CRACR2A: variants seen among roughly 807,000 people sequenced by gnomAD.
CRACR2A encodes the protein EF-hand calcium-binding domain-containing protein 4B.
CRACR2A carries 79 observed loss-of-function variants against 90.5 expected under a neutral mutation model. The ratio of observed to expected loss-of-function variants is 0.87; its 90% confidence interval spans 0.73 to 1.05. CRACR2A has a LOEUF of 1.05. Among genes scored for constraint, CRACR2A ranks in the 50% least tolerant of loss-of-function variants. CRACR2A has a pLI of 0.00. For missense variants in CRACR2A, 823 were observed against 897.2 expected, an observed-to-expected ratio of 0.92 and a Z score of 1.06; for synonymous variants, 338 against 356.7, an observed-to-expected ratio of 0.95 and a Z score of 0.59.
chr12:3,715,884 C>T (rs1002532482), intron 2 of CRACR2A, among the ~76,000 whole-genome samples: 1 of 152,020 alleles, frequency 6.6e-6, no homozygotes, highest in African/African-American at 2.4e-5. Flanking sequence ...AATGAGTGCC[C>T]TTTAAAGATT....
rs767477476 is a variant in CRACR2A at position 3,627,491 on chromosome 12, T to C, written c.1877A>G (p.Asp626Gly). 19 of 1,551,930 alleles carry C rather than the reference T, an allele frequency of 1.2e-5. No homozygotes were observed. The South Asian group carries it at 2.3e-4, about 18-fold the overall frequency. ...RKADGVIVMYDLTDKQSFLSV... is the reference protein window; with the variant it reads ...RKADGVIVMYGLTDKQSFLSV... ...CAGGAACGACTGCTTGTCTGTGAGA[T>C]CGTACATGACGATGACACCATCTGC... Residue 626 changes from aspartate to glycine, a missense_variant, in exon 17 of 20, where the codon GAT (aspartate) becomes GGT (glycine). Transcript: ENST00000440314.
chr12:3,720,570 T>C lies in CRACR2A; in HGVS notation c.-117-7253A>G, dbSNP rs537112222. On this transcript the variant is annotated intron_variant, in intron 2 of 19. Transcript: ENST00000440314. ...ACGGGATCCTGATGCTCTAACGTTT[T>C]CTACTGTGTTAATCCCTCACAACAT... Among the ~76,000 whole-genome samples, 10 of 152,338 alleles carry C rather than the reference T, an allele frequency of 6.6e-5. No individual in the cohort carries two copies. The East Asian group carries it at 1.7e-3, about 26-fold the overall frequency.
At position 3,735,359 on chromosome 12, in the gene CRACR2A, G is replaced by A. The variant is rs147664919; in HGVS notation, c.-386-2149C>T. ...AAGGGTGCGGGGAGACCTGGCGCTGGGAGAGTGTTAGCAAAATGCTCCTCA... is the reference window on the plus strand; with the variant it reads ...AAGGGTGCGGGGAGACCTGGCGCTGAGAGAGTGTTAGCAAAATGCTCCTCA... On this transcript the variant is annotated intron_variant, in intron 1 of 19. Coordinates refer to ENST00000440314, the MANE Select transcript of CRACR2A (RefSeq NM_001144958.2). Among the ~76,000 whole-genome samples, 204 of 152,268 alleles carry A rather than the reference G, an allele frequency of 1.3e-3. 2 individuals carry two copies. Among genetic ancestry groups the A allele is most frequent in the African/African-American group, 4.8e-3 (198 of 41,554 alleles).
chr12:3,622,230 G>A (rs1442400086), intron 17 of CRACR2A, among the ~76,000 whole-genome samples: 1 of 152,244 alleles, frequency 6.6e-6, no homozygotes, highest in Non-Finnish European at 1.5e-5. Context: ...TTGAGACTGT[G>A]AGAGATGTTG....
chr12:3,624,960 A>G (rs1261067459), intron 17 of CRACR2A, among the ~76,000 whole-genome samples: 1 of 151,890 alleles, frequency 6.6e-6, no homozygotes, highest in Non-Finnish European at 1.5e-5. Context: ...GCAGGCTCTG[A>G]ACCACTCTGG....
intron 7 of CRACR2A, among the ~76,000 whole-genome samples, chr12:3,665,570 A>G (rs1174661359): frequency 2.0e-5 from 3 of 152,212 alleles, no homozygotes; most frequent in African/African-American, 7.2e-5. Flanking sequence ...TTCTAATTAA[A>G]TAAGTTTTCT....
At chr12:3,680,549 C>CATGTTAGCACAA (rs1945429087) in intron 4 of CRACR2A, among the ~76,000 whole-genome samples, 200 bp from the exon 5 acceptor site, 2 of 152,192 alleles carry the variant, frequency 1.3e-5, no homozygotes, top group Admixed American at 6.5e-5. Context: ...TGATTGGGTG[C>CATGTTAGCACAA]CTACGAATGT....
At chr12:3,728,789 A>G (rs1591716442) in intron 2 of CRACR2A, 1 of 152,104 alleles carries the variant, frequency 6.6e-6, no homozygotes, top group Non-Finnish European at 1.5e-5. Context: ...CCACCTTTCA[A>G]CCCCGAGTGG....
rs138651760 is a variant in CRACR2A at position 3,656,202 on chromosome 12, G to A, written c.858+109C>T. The A allele has an allele frequency of 5.5e-5, 56 of 1,021,504 alleles. No homozygotes were observed. In the African/African-American group the frequency reaches 8.4e-4, roughly 15 times the overall value. 63.3% of individuals were successfully genotyped at this position (1,021,504 alleles called of 1,614,324 possible). On this transcript the variant is annotated intron_variant, in intron 9 of 19. Coordinates refer to ENST00000440314, the MANE Select transcript of CRACR2A (RefSeq NM_001144958.2). ...TTGCGCGACTAAATAGTTCTTCTCA[G>A]GTTAAAAACTCAAAAGTCCTTAAGT...
chr12:3,688,845 T>C (rs1945608058), intron 4 of CRACR2A, among the ~76,000 whole-genome samples: 1 of 152,240 alleles, frequency 6.6e-6, no homozygotes, highest in Non-Finnish European at 1.5e-5. Flanking sequence ...CCTTTGTTTG[T>C]GTCATCTCTG....
intron 3 of CRACR2A, among the ~76,000 whole-genome samples, chr12:3,710,390 G>A (rs1945990492): frequency 6.6e-6 from 1 of 152,120 alleles, no homozygotes; most frequent in Non-Finnish European, 1.5e-5. Context: ...ATTTCTCCCA[G>A]TTCTGGAGGC....
intron 13 of CRACR2A, chr12:3,640,659 G>A: frequency 7.7e-7 from 1 of 1,305,428 alleles, no homozygotes. Flanking sequence ...CTGATGAGCT[G>A]ATTTACATCT....
chr12:3,665,582 A>G (rs749816686), intron 7 of CRACR2A, among the ~76,000 whole-genome samples: 2 of 152,204 alleles, frequency 1.3e-5, no homozygotes, highest in African/African-American at 4.8e-5. Context: ...AAGTTTTCTG[A>G]TTCTCCAGAG....
In CRACR2A at chr12:3,662,035, G is replaced by A. The variant is rs1945048306; in HGVS notation, c.672-2381C>T. Among the ~76,000 whole-genome samples the A allele has an allele frequency of 3.3e-5, 5 of 152,132 alleles. 1 individual carries two copies. The South Asian group carries it at 1.0e-3, about 32-fold the overall frequency. On this transcript the variant is annotated intron_variant, in intron 7 of 19. Coordinates refer to ENST00000440314, the MANE Select transcript of CRACR2A (RefSeq NM_001144958.2). ...ACCAGCTTGCTGGTATGTGAATTAA[G>A]TTATTTTACAAACCACTAAAAAATA...
intron 4 of CRACR2A, among the ~76,000 whole-genome samples, chr12:3,692,679 T>C (rs1945669971): frequency 1.3e-5 from 2 of 152,124 alleles, no homozygotes; most frequent in African/African-American, 4.8e-5. Flanking sequence ...TGCACACTTA[T>C]TGGCTGCAGC....
chr12:3,701,332 G>A lies in CRACR2A; in HGVS notation c.-36-4297C>T, dbSNP rs185582620. Among the ~76,000 whole-genome samples, 399 of 151,726 alleles carry A rather than the reference G, an allele frequency of 2.6e-3. 1 individual carries two copies. Among genetic ancestry groups the A allele is most frequent in the Middle Eastern group, 0.017 (5 of 292 alleles). On this transcript the variant is annotated intron_variant, in intron 3 of 19. Transcript: ENST00000440314. Reference sequence around the variant, plus strand: ...AAAATAAATACAAATTAAACCCAACGTAAGGAGAAAAAAATAATAAGGATC... The same window carrying A: ...AAAATAAATACAAATTAAACCCAACATAAGGAGAAAAAAATAATAAGGATC...
At chr12:3,616,097 C>T (rs1196106715) in intron 19 of CRACR2A, among the ~76,000 whole-genome samples, 2 of 152,256 alleles carry the variant, frequency 1.3e-5, no homozygotes, top group South Asian at 2.1e-4. Flanking sequence ...TTCCTACCTT[C>T]CTGACAAAGC....
chr12:3,650,558 T>C (rs1470589090), intron 10 of CRACR2A, among the ~76,000 whole-genome samples: 1 of 152,162 alleles, frequency 6.6e-6, no homozygotes, highest in Non-Finnish European at 1.5e-5. Flanking sequence ...TGATGAGTGC[T>C]CCGTGAGCAG....
chr12:3,625,541 A>G (rs1024537687), intron 17 of CRACR2A, among the ~76,000 whole-genome samples: 1 of 150,346 alleles, frequency 6.7e-6, no homozygotes, highest in Non-Finnish European at 1.5e-5. Context: ...GGACAACTAA[A>G]TGTCTGTGAA....
Sources: gnomAD v4.1 joint callset for allele counts (sites outside exome capture counted in the v4.1 genomes callset) on GRCh38, gnomAD v4.1.1 for gene constraint, MANE v1.5 for transcripts, NCBI Gene and HGNC (gene_info 2026-07-23, HGNC 2026-07-21) for gene names.